The following SHISA9 variants were observed in gnomAD, a reference collection of about 807,000 sequenced individuals.
The protein encoded by SHISA9 is protein shisa-9.
SHISA9 carries 13 observed loss-of-function variants against 38.0 expected under a neutral mutation model. The observed-to-expected ratio is 0.34, with a 90% CI of 0.22 to 0.54. SHISA9 has a LOEUF of 0.54. Ranked by LOEUF, SHISA9 falls within the 20% of genes least tolerant of loss-of-function variation. The probability of loss-of-function intolerance (pLI) is 0.91; values close to 1 mark genes in which losing one functional copy is unlikely to be tolerated. For synonymous variants in SHISA9, 275 were observed against 242.0 expected, an observed-to-expected ratio of 1.14 and a Z score of -1.27; for missense variants, 538 against 575.8, an observed-to-expected ratio of 0.93 and a Z score of 0.67.
At chr16:13,468,717 C>G in the SHISA9 span, among the ~76,000 whole-genome samples, 1 of 152,164 alleles carries the variant, frequency 6.6e-6, no homozygotes, top group Admixed American at 6.5e-5. Flanking sequence ...TGACTCACAT[C>G]TGCAATCCCA....
the SHISA9 span, among the ~76,000 whole-genome samples, chr16:13,425,664 T>C: frequency 2.6e-5 from 4 of 152,136 alleles, no homozygotes; most frequent in East Asian, 7.7e-4. Context: ...GTAACCTCGA[T>C]CTAAAATAAA....
intron 1 of SHISA9, among the ~76,000 whole-genome samples, chr16:12,904,678 A>G (rs1220969713): frequency 2.0e-5 from 3 of 152,190 alleles, no homozygotes; most frequent in East Asian, 3.9e-4. Context: ...TGAGAATTCC[A>G]GAATGGAGTG....
At chr16:13,399,476 A>T in the SHISA9 span, among the ~76,000 whole-genome samples, 2 of 152,050 alleles carry the variant, frequency 1.3e-5, no homozygotes, top group African/African-American at 2.4e-5. Flanking sequence ...GTCCCCCAAG[A>T]TCTCTCTCAG....
At chr16:13,493,587 T>C in the SHISA9 span, among the ~76,000 whole-genome samples, 1 of 152,212 alleles carries the variant, frequency 6.6e-6, no homozygotes, top group Non-Finnish European at 1.5e-5. Context: ...CCAAATACTG[T>C]GTTTCTTACT....
the SHISA9 span, among the ~76,000 whole-genome samples, chr16:13,492,337 T>C: frequency 6.6e-6 from 1 of 152,088 alleles, no homozygotes; most frequent in African/African-American, 2.4e-5. Context: ...CCTAAACAGG[T>C]GAGGTTAACG....
At chr16:13,315,983 A>G in the SHISA9 span, among the ~76,000 whole-genome samples, 897 of 152,236 alleles carry the variant, frequency 5.9e-3, 7 homozygotes, top group Non-Finnish European at 9.7e-3. Flanking sequence ...AGGTTAGAGT[A>G]AATAACATCT....
intron 2 of SHISA9, among the ~76,000 whole-genome samples, chr16:13,021,057 G>C (rs2141865932): frequency 6.6e-6 from 1 of 152,308 alleles, no homozygotes; most frequent in Non-Finnish European, 1.5e-5. Context: ...GGTGAATTAA[G>C]GAGATGTTGA....
the SHISA9 span, among the ~76,000 whole-genome samples, chr16:13,280,096 T>C: frequency 6.6e-6 from 1 of 151,066 alleles, no homozygotes; most frequent in African/African-American, 2.4e-5. Flanking sequence ...TATTAGTAAT[T>C]TGTATCTTCT....
chr16:12,915,964 C>T (rs1171911053), intron 1 of SHISA9, among the ~76,000 whole-genome samples: 1 of 144,752 alleles, frequency 6.9e-6, no homozygotes, highest in East Asian at 2.0e-4. Flanking sequence ...GCTCTCTGGT[C>T]TGTTCTACGT....
chr16:13,131,817 G>C (rs1567222485), intron 2 of SHISA9, among the ~76,000 whole-genome samples: 2 of 152,008 alleles, frequency 1.3e-5, no homozygotes, highest in Non-Finnish European at 2.9e-5. Context: ...ACAGAGTTCT[G>C]GTCCTGAATC....
intron 2 of SHISA9, among the ~76,000 whole-genome samples, chr16:12,967,031 C>G (rs563466515): frequency 3.3e-5 from 5 of 152,152 alleles, no homozygotes; most frequent in African/African-American, 4.8e-5. Context: ...CTAGGAATAC[C>G]ATTTGACCCA....
rs2051376205 is a variant in SHISA9, at chr16:13,235,621, G to A, written c.*212G>A. 4 of 603,092 alleles carry A rather than the reference G, an allele frequency of 6.6e-6. 1 individual carries two copies. Among genetic ancestry groups the A allele is most frequent in the South Asian group, 5.1e-5 (2 of 39,310 alleles). 37.4% of individuals were successfully genotyped at this position (603,092 alleles called of 1,614,324 possible). A position where few individuals can be genotyped will look rare whatever the true frequency, so the allele number is the denominator to read the frequency against. On this transcript the variant is annotated 3_prime_UTR_variant, in exon 5 of 5. Coordinates refer to ENST00000558583, the MANE Select transcript of SHISA9 (RefSeq NM_001145204.3). The stretch of plus-strand genomic sequence containing the variant: ...GCGGGCAGCTGAGAAAGACCGAAGC[G>A]TGGACATTCAGCAATACAGCAAAGG...
At chr16:13,133,124 G>A (rs1474503739) in intron 2 of SHISA9, among the ~76,000 whole-genome samples, 3 of 152,160 alleles carry the variant, frequency 2.0e-5, no homozygotes, top group Non-Finnish European at 4.4e-5. Flanking sequence ...AGGCCAAAAC[G>A]TAGACAAATA....
intron 2 of SHISA9, among the ~76,000 whole-genome samples, chr16:13,048,372 C>G (rs1397658673): frequency 2.0e-5 from 3 of 152,190 alleles, no homozygotes; most frequent in Admixed American, 2.0e-4. Flanking sequence ...CATCTCTTGA[C>G]TGTGCAATTT....
the SHISA9 span, among the ~76,000 whole-genome samples, chr16:13,443,745 A>G: frequency 6.6e-6 from 1 of 152,236 alleles, no homozygotes; most frequent in African/African-American, 2.4e-5. Flanking sequence ...TAACATTAAC[A>G]AAATGGCACG....
At chr16:13,483,701 C>CT in the SHISA9 span, among the ~76,000 whole-genome samples, 1 of 152,104 alleles carries the variant, frequency 6.6e-6, no homozygotes, top group East Asian at 1.9e-4. Flanking sequence ...GCTTTATATC[C>CT]TGGCGAAAGG....
At chr16:13,138,010 T>A (rs536799883) in intron 2 of SHISA9, among the ~76,000 whole-genome samples, 166 of 152,262 alleles carry the variant, frequency 1.1e-3, no homozygotes, top group African/African-American at 3.7e-3. Context: ...TTTGGTAAAA[T>A]AGATTTCTGG....
At chr16:12,947,648 G>C (rs1415672929) in intron 2 of SHISA9, among the ~76,000 whole-genome samples, 1 of 152,144 alleles carries the variant, frequency 6.6e-6, no homozygotes, top group Admixed American at 6.5e-5. Flanking sequence ...GGCTATTTTT[G>C]TCAAAGGAGA....
chr16:13,433,105 G>GA, the SHISA9 span, among the ~76,000 whole-genome samples: 40,168 of 142,712 alleles, frequency 0.28, 6,407 homozygotes, highest in East Asian at 0.51. Flanking sequence ...GCTTGAAAAT[G>GA]AAAAAAAAAA....
Sources: gnomAD v4.1 joint callset for allele counts (sites outside exome capture counted in the v4.1 genomes callset) on GRCh38, gnomAD v4.1.1 for gene constraint, MANE v1.5 for transcripts, NCBI Gene and HGNC (gene_info 2026-07-23, HGNC 2026-07-21) for gene names.